DYNC1I1: variants seen among roughly 807,000 people sequenced by gnomAD.
The protein encoded by DYNC1I1 is dynein cytoplasmic 1 intermediate chain 1.
A neutral mutation model predicts 86.6 loss-of-function variants in DYNC1I1; 43 were observed. The ratio of observed to expected loss-of-function variants is 0.50; its 90% CI spans 0.39 to 0.64. The LOEUF is 0.64. Ranked by LOEUF, DYNC1I1 falls within the 30% of genes least tolerant of loss-of-function variation. DYNC1I1 has a pLI of 0.00. For missense variants in DYNC1I1, 604 were observed against 788.8 expected, an observed-to-expected ratio of 0.77 and a Z score of 2.81; for synonymous variants, 262 against 283.7, an observed-to-expected ratio of 0.92 and a Z score of 0.77.
intron 6 of DYNC1I1, among the ~76,000 whole-genome samples, chr7:95,921,017 G>A (rs939175584): frequency 1.3e-5 from 2 of 152,100 alleles, no homozygotes; most frequent in Non-Finnish European, 2.9e-5. Flanking sequence ...TCAGTTGATG[G>A]TTTAGAAACA....
rs752696300 is a variant in DYNC1I1, at chr7:96,035,633, G to A, written c.1245G>A (p.Leu415=). Residue 415 remains leucine (L), a synonymous_variant, in exon 13 of 17, where the codon CTG becomes CTA. Transcript: ENST00000447467. ...MLSTPQESME[L]VYNKSKPVAV... ...TGTTTTGGTAGGAGAGCATGGAGCT[G>A]GTGTACAATAAGTCCAAGCCTGTCG... The A allele has an allele frequency of 1.1e-5, 17 of 1,599,618 alleles. No homozygotes were observed. The South Asian group carries it at 1.4e-4, about 13-fold the overall frequency.
At chr7:96,010,482 C>T (rs941233839) in intron 10 of DYNC1I1, among the ~76,000 whole-genome samples, 1 of 152,190 alleles carries the variant, frequency 6.6e-6, no homozygotes, top group African/African-American at 2.4e-5. Flanking sequence ...CTAGAAGCCT[C>T]GCTTTTCCTC....
At chr7:95,874,639 A>G (rs904041932) in intron 6 of DYNC1I1, among the ~76,000 whole-genome samples, 2 of 26,936 alleles carry the variant, frequency 7.4e-5, no homozygotes, top group African/African-American at 2.1e-4. Flanking sequence ...GCCTTATTAG[A>G]AAAAGAAGAG....
rs1485694926 is a variant in DYNC1I1, at chr7:95,912,034, A to G, written c.490+42036A>G. Among the ~76,000 whole-genome samples the G allele has an allele frequency of 2.6e-5, 4 of 151,958 alleles. No individual in the cohort carries two copies. In the East Asian group the frequency reaches 5.8e-4, roughly 22 times the overall value. On this transcript the variant is annotated intron_variant, in intron 6 of 16. Transcript: ENST00000447467. ...TTTAGCACTCACTCATCACTTGAACATCATTTTTTTTTTCTTTTTTGAGAA... is the reference window on the plus strand; with the variant it reads ...TTTAGCACTCACTCATCACTTGAACGTCATTTTTTTTTTCTTTTTTGAGAA...
intron 14 of DYNC1I1, among the ~76,000 whole-genome samples, chr7:96,044,358 AGT>A (rs776950118): frequency 3.3e-5 from 5 of 152,242 alleles, no homozygotes; most frequent in Non-Finnish European, 5.9e-5. Context: ...TGGCAAAAGC[AGT>A]GTCTTTGGAG....
chr7:96,091,077 G>A lies in DYNC1I1; in HGVS notation c.1777-6406G>A, dbSNP rs539881818. ...AAGGGAATTGTCCTAAAAAATACAG[G>A]CTTCCTCTGAACACAGACATGTATT... On this transcript the variant is annotated intron_variant, in intron 16 of 16. Transcript: ENST00000447467. Among the ~76,000 whole-genome samples, 7 of 152,158 alleles carry A rather than the reference G, an allele frequency of 4.6e-5. No individual in the cohort carries two copies. In the South Asian group the frequency reaches 6.2e-4, roughly 14 times the overall value.
At chr7:95,855,227 T>C (rs1789687864) in intron 5 of DYNC1I1, among the ~76,000 whole-genome samples, 1 of 152,188 alleles carries the variant, frequency 6.6e-6, no homozygotes, top group Non-Finnish European at 1.5e-5. Flanking sequence ...GTTCTTACTT[T>C]GCAGATTTTT....
At chr7:95,778,846 A>G (rs960332770) in intron 1 of DYNC1I1, among the ~76,000 whole-genome samples, 2 of 151,550 alleles carry the variant, frequency 1.3e-5, no homozygotes, top group African/African-American at 2.4e-5. Flanking sequence ...TTTTTTTTTC[A>G]TAGGGATGGA....
intron 1 of DYNC1I1, among the ~76,000 whole-genome samples, chr7:95,793,837 A>G (rs1422239811): frequency 6.6e-6 from 1 of 152,170 alleles, no homozygotes; most frequent in Non-Finnish European, 1.5e-5. Context: ...CTATGTGCCC[A>G]ATGTGATGCT....
intron 6 of DYNC1I1, among the ~76,000 whole-genome samples, chr7:95,883,920 G>T (rs1003786051): frequency 1.3e-5 from 2 of 152,108 alleles, no homozygotes; most frequent in Non-Finnish European, 2.9e-5. Flanking sequence ...ATCAATGATA[G>T]AAGTTTATGT....
Position 95,838,637 on chromosome 7 carries a change from A to G in DYNC1I1, c.374+10521A>G, listed in dbSNP as rs59686826. 6.2e-3 allele frequency among the ~76,000 whole-genome samples: 940 copies of G among 152,276 alleles called. 7 individuals are homozygous for G. The highest frequency in any genetic ancestry group is 0.021 in the African/African-American group (872 of 41,556). On this transcript the variant is annotated intron_variant, in intron 5 of 16. Coordinates refer to ENST00000447467, the MANE Select transcript of DYNC1I1 (RefSeq NM_001135556.2). ...GTAGACTGCTCTAGGCAGTATGGAC[A>G]TTTTAATAATATTGTTTTGTGTAAT...
At chr7:95,859,329 A>G (rs1349575425) in intron 5 of DYNC1I1, among the ~76,000 whole-genome samples, 1 of 152,050 alleles carries the variant, frequency 6.6e-6, no homozygotes, top group Non-Finnish European at 1.5e-5. Flanking sequence ...CTGTAGGGTC[A>G]GTCACTGGCA....
chr7:96,026,638 C>CA, intron 10 of DYNC1I1, among the ~76,000 whole-genome samples: 1 of 152,072 alleles, frequency 6.6e-6, no homozygotes. Context: ...CCTTCCCAAC[C>CA]AAAAAAGACT....
chr7:96,052,561 A>C (rs1584280778), intron 14 of DYNC1I1, among the ~76,000 whole-genome samples: 1 of 152,324 alleles, frequency 6.6e-6, no homozygotes, highest in East Asian at 1.9e-4. Flanking sequence ...ATAGTTGTAA[A>C]GATGTTAAAA....
At chr7:95,975,448 G>A (rs1035294824) in intron 6 of DYNC1I1, among the ~76,000 whole-genome samples, 2 of 152,108 alleles carry the variant, frequency 1.3e-5, no homozygotes, top group African/African-American at 4.8e-5. Context: ...GCATCAGGCC[G>A]ATCTTTGCCT....
chr7:96,057,081 A>G (rs980238007), intron 14 of DYNC1I1, among the ~76,000 whole-genome samples: 1 of 152,190 alleles, frequency 6.6e-6, no homozygotes, highest in African/African-American at 2.4e-5. Flanking sequence ...GGGCAGGTAA[A>G]GTTACTGGAG....
intron 1 of DYNC1I1, among the ~76,000 whole-genome samples, chr7:95,779,884 C>T (rs1274518139): frequency 1.3e-5 from 2 of 152,172 alleles, no homozygotes; most frequent in Non-Finnish European, 2.9e-5. Flanking sequence ...TACCTAGAAT[C>T]CTGGAAGTCT....
chr7:96,076,067 C>G lies in DYNC1I1; in HGVS notation c.1520C>G (p.Pro507Arg). 6.2e-7 allele frequency: 1 copy of G among 1,613,728 alleles called. No individual in the cohort carries two copies. Among genetic ancestry groups the G allele is most frequent in the Non-Finnish European group, 8.5e-7 (1 of 1,179,712 alleles). Residue 507 changes from proline (P) to arginine (R), a missense_variant, in exon 15 of 17, where the codon CCG (proline) becomes CGG (arginine). Transcript: ENST00000447467. ...VKLWTTKHNK[P>R]LYSFEDNADY... ...CTCTCTGCTTTACAGCACAACAAGC[C>G]GCTCTACTCCTTTGAAGACAATGCA...
At chr7:95,834,876 G>C (rs1326167809) in intron 5 of DYNC1I1, among the ~76,000 whole-genome samples, 5 of 151,432 alleles carry the variant, frequency 3.3e-5, no homozygotes, top group African/African-American at 1.2e-4. Flanking sequence ...TTCTTTATTA[G>C]TCTTGCTAGC....
Sources: allele counts gnomAD v4.1 joint callset (sites outside exome capture counted in the v4.1 genomes callset), GRCh38; gene constraint gnomAD v4.1.1; transcripts MANE v1.5; gene names NCBI Gene and HGNC (gene_info 2026-07-23, HGNC 2026-07-21).